Variants in SCARB2 observed in about 807,000 individuals in gnomAD.
The protein encoded by SCARB2 is lysosome membrane protein 2.
In SCARB2, 29 loss-of-function variants were observed where a neutral mutation model predicts 58.6. The observed-to-expected ratio is 0.49, with a 90% CI of 0.37 to 0.67. The LOEUF is 0.67. SCARB2 is among the 30% of genes least tolerant of loss of function. The pLI, the probability that SCARB2 is intolerant of heterozygous loss-of-function variation, is 0.00. For synonymous variants in SCARB2, 195 were observed against 210.1 expected (o/e 0.93, Z 0.62); for missense variants, 488 against 578.5 (o/e 0.84, Z 1.60).
chr4:76,218,130 G>A (rs1027740809), upstream of SCARB2, among the ~76,000 whole-genome samples: 2 of 152,202 alleles, frequency 1.3e-5, no homozygotes, highest in African/African-American at 2.4e-5. Context: ...GAGTTTGAAT[G>A]GAAATGGCCC....
chr4:76,182,655 G>A (rs17001584), intron 2 of SCARB2, among the ~76,000 whole-genome samples: 18,923 of 152,084 alleles, frequency 0.12, 1,551 homozygotes, highest in East Asian at 0.35. Flanking sequence ...GTGGATGTCC[G>A]TACATGTCTT....
intron 1 of SCARB2, among the ~76,000 whole-genome samples, chr4:76,204,923 T>C (rs1732899460): frequency 2.0e-5 from 3 of 152,180 alleles, no homozygotes; most frequent in South Asian, 2.1e-4. Context: ...AAAATGGGAA[T>C]TGTGGGCGCT....
chr4:76,167,279 A>G (rs1046249482), intron 9 of SCARB2, among the ~76,000 whole-genome samples: 1 of 152,148 alleles, frequency 6.6e-6, no homozygotes, highest in African/African-American at 2.4e-5. Flanking sequence ...TATAGTTTGG[A>G]TACTTGTTCC....
intron 1 of SCARB2, among the ~76,000 whole-genome samples, chr4:76,225,235 G>C (rs1733374488): frequency 6.6e-6 from 1 of 152,152 alleles, no homozygotes; most frequent in Non-Finnish European, 1.5e-5. Flanking sequence ...TGTGTATTGT[G>C]CTGCTATAAA....
intron 4 of SCARB2, chr4:76,179,316 A>G: frequency 1.7e-6 from 1 of 574,454 alleles, no homozygotes; most frequent in Non-Finnish European, 3.1e-6. Context: ...GGTCTCCCAA[A>G]GTCCTGGAAT....
At chr4:76,180,097 A>G in intron 3 of SCARB2, 1 of 325,730 alleles carries the variant, frequency 3.1e-6, no homozygotes, top group Non-Finnish European at 6.0e-6. Flanking sequence ...CAGGGACCTC[A>G]TACTGTCTAG....
At chr4:76,189,717 C>G (rs865862886) in intron 2 of SCARB2, among the ~76,000 whole-genome samples, 1 of 152,050 alleles carries the variant, frequency 6.6e-6, no homozygotes. Context: ...AGTGATCTGC[C>G]TACCTTGACT....
chr4:76,173,192 A>G (rs1320972392), intron 7 of SCARB2: 1 of 152,242 alleles, frequency 6.6e-6, no homozygotes, highest in Non-Finnish European at 1.5e-5. Flanking sequence ...CATGGAAAGG[A>G]GCAGAGTAGC....
At position 76,184,575 on chromosome 4, in the gene SCARB2, C is replaced by T. The variant is rs572458197; in HGVS notation, c.276-3474G>A. Reference sequence around the variant, plus strand: ...CTATGGGACCTGAGCTCAACCAATTCCTTTCCTCTGGCCTCTGAATCCTGA... The same window carrying T: ...CTATGGGACCTGAGCTCAACCAATTTCTTTCCTCTGGCCTCTGAATCCTGA... On this transcript the variant is annotated intron_variant, in intron 2 of 11. Transcript: ENST00000264896. The T allele has an allele frequency of 2.7e-4, 46 of 172,698 alleles. No individual in the cohort carries two copies. The South Asian group carries it at 5.1e-3, about 19-fold the overall frequency. The allele number at this position is 172,698 out of a possible 1,614,324, so 10.7% of individuals were successfully genotyped here. A position where few individuals can be genotyped will look rare whatever the true frequency, so the allele number is the denominator to read the frequency against.
intron 2 of SCARB2, chr4:76,194,964 G>C (rs999357): frequency 0.18 from 27,612 of 152,020 alleles, 2,717 homozygotes; most frequent in East Asian, 0.35. Context: ...GAGAAAAGGA[G>C]CGGGTAAGAA....
chr4:76,172,468 G>A (rs2109940192), intron 7 of SCARB2, among the ~76,000 whole-genome samples: 1 of 151,994 alleles, frequency 6.6e-6, no homozygotes, highest in South Asian at 2.1e-4. Flanking sequence ...TGCCCATGCA[G>A]GTCTAAATTC....
chr4:76,213,628 A>G lies in SCARB2; in HGVS notation c.-85T>C. 3 of 1,111,704 alleles carry G rather than the reference A, an allele frequency of 2.7e-6. No individual in the cohort carries two copies. Among genetic ancestry groups the G allele is most frequent in the Non-Finnish European group, 4.0e-6 (3 of 743,288 alleles). The allele number at this position is 1,111,704 out of a possible 1,614,324, so 68.9% of individuals were successfully genotyped here. A position where few individuals can be genotyped will look rare whatever the true frequency, so the allele number is the denominator to read the frequency against. ...GGGAGGAGCCGCCGCAGAGGCGTCG[A>G]AGACCCGGGACCCTTCGGCGCCACG... On this transcript the variant is annotated 5_prime_UTR_variant, in exon 1 of 12. Coordinates refer to ENST00000264896, the MANE Select transcript of SCARB2 (RefSeq NM_005506.4).
chr4:76,214,224 G>T (rs551707426), upstream of SCARB2: 25 of 454,566 alleles, frequency 5.5e-5, no homozygotes, highest in East Asian at 1.2e-3. Flanking sequence ...CACCGTTACC[G>T]CAATTACAAC....
Position 76,174,149 on chromosome 4 carries a change from T to C in SCARB2, c.989A>G (p.Lys330Arg). ...GSGVLNVSIC[K>R]NGAPIIMSFP... ...TCCCCTCTCTGAGTTCTTACCATTC[T>C]TGCAGATGCTGACATTCAGAACTCC... The change falls in exon 7 of 12, where the codon AAG becomes AGG. Residue 330 changes from lysine to arginine, a missense_variant. By Grantham distance (26) the Lys-to-Arg change is conservative (BLOSUM62 2). Transcript: ENST00000264896. The C allele has an allele frequency of 6.2e-7, 1 of 1,613,830 alleles. No individual in the cohort carries two copies. The highest frequency in any genetic ancestry group is 8.5e-7 in the Non-Finnish European group (1 of 1,180,036).
At chr4:76,182,670 A>G (rs1732408567) in intron 2 of SCARB2, among the ~76,000 whole-genome samples, 1 of 152,184 alleles carries the variant, frequency 6.6e-6, no homozygotes, top group Non-Finnish European at 1.5e-5. Flanking sequence ...TGTCTTTAGC[A>G]TTCAATTAGA....
intron 2 of SCARB2, among the ~76,000 whole-genome samples, chr4:76,181,628 G>A (rs1487022201): frequency 1.3e-5 from 2 of 152,122 alleles, no homozygotes; most frequent in African/African-American, 4.8e-5. Context: ...GCAGTGGCAT[G>A]ACTACAGCTC....
intron 6 of SCARB2, chr4:76,174,593 C>A (rs1732208396): frequency 2.5e-6 from 1 of 398,578 alleles, no homozygotes; most frequent in Non-Finnish European, 4.7e-6. Flanking sequence ...TGGAGACTCA[C>A]ATAAAAAAGA....
intron 1 of SCARB2, among the ~76,000 whole-genome samples, chr4:76,202,027 T>C (rs945509339): frequency 2.6e-5 from 4 of 152,182 alleles, no homozygotes; most frequent in Admixed American, 6.5e-5. Flanking sequence ...CTCCTTGATA[T>C]AACAAGGAAC....
chr4:76,169,671 T>G (rs932371226), intron 8 of SCARB2, among the ~76,000 whole-genome samples, 196 bp downstream of exon 8: 3 of 152,222 alleles, frequency 2.0e-5, no homozygotes, highest in African/African-American at 7.2e-5. Context: ...TTTCTGCTAT[T>G]CAATCCACAA....
Sources: allele counts gnomAD v4.1 joint callset (sites outside exome capture counted in the v4.1 genomes callset), GRCh38; gene constraint gnomAD v4.1.1; transcripts MANE v1.5; gene names NCBI Gene and HGNC (gene_info 2026-07-23, HGNC 2026-07-21).